Variants in MED16 observed in about 807,000 individuals in gnomAD.
The protein encoded by MED16 is mediator of RNA polymerase II transcription subunit 16.
A neutral mutation model predicts 84.4 loss-of-function variants in MED16; 81 were observed. The observed-to-expected ratio is 0.96, with a 90% CI of 0.80 to 1.15. MED16 has a LOEUF of 1.15. MED16 is among the 50% of genes most tolerant of loss of function. MED16 has a pLI of 0.00. For missense variants in MED16, 1,585 were observed against 1,245.9 expected (o/e 1.27, Z -4.10); for synonymous variants, 897 against 552.2 (o/e 1.62, Z -8.76).
intron 2 of MED16, 24 bp downstream of exon 2, chr19:890,939 G>C: frequency 6.2e-7 from 1 of 1,607,352 alleles, no homozygotes; most frequent in Non-Finnish European, 8.5e-7. Context: ...GCCGGGAGGG[G>C]AAGCAGGTGG....
In MED16 at chr19:868,202, CAGA is replaced by C. The variant is rs2035960130; in HGVS notation, c.2530_2532del (p.Ser844del). On this transcript the variant is annotated inframe_deletion, in exon 16 of 16. Transcript: ENST00000325464. Reference sequence around the variant, plus strand: ...AGCTGGACAAAGGCAGGGGCTTCCTCAGAAGCTCTGCTGGTCACGCAGGCGTCC... The same window carrying C: ...AGCTGGACAAAGGCAGGGGCTTCCTCAGCTCTGCTGGTCACGCAGGCGTCC... 2 of 1,605,792 alleles carry C rather than the reference CAGA, an allele frequency of 1.2e-6. No individual in the cohort carries two copies. Among genetic ancestry groups the C allele is most frequent in the Non-Finnish European group, 8.5e-7 (1 of 1,176,946 alleles).
chr19:876,728 C>T (rs1399867483), intron 9 of MED16, among the ~76,000 whole-genome samples: 4 of 152,116 alleles, frequency 2.6e-5, no homozygotes, highest in African/African-American at 4.8e-5. Context: ...GCCACAACCC[C>T]CACATCTGCC....
At chr19:874,359 G>A (rs934037881) in intron 10 of MED16, among the ~76,000 whole-genome samples, 9 of 152,148 alleles carry the variant, frequency 5.9e-5, no homozygotes, top group Non-Finnish European at 8.8e-5. Context: ...TGATCAGCCC[G>A]CGTTGGCCTC....
chr19:871,677 G>A (rs1336180189), intron 12 of MED16: 20 of 1,558,972 alleles, frequency 1.3e-5, no homozygotes, highest in African/African-American at 2.8e-5. Context: ...GGAAATAGCA[G>A]ATATCAAGGC....
At chr19:875,501 CCCG>C (rs1408933324) in intron 9 of MED16, 47 bp from the exon 10 acceptor site, 4 of 1,455,114 alleles carry the variant, frequency 2.7e-6, no homozygotes, top group Admixed American at 2.0e-5. Context: ...AGCAGAGGCG[CCCG>C]CCAAGGCTCC....
At chr19:884,863 AG>A in intron 6 of MED16, 39 bp downstream of exon 6, 1 of 1,529,056 alleles carries the variant, frequency 6.5e-7, no homozygotes. Flanking sequence ...ACCGCCCCCG[AG>A]GGCAGGCCCA....
chr19:868,650 G>A (rs1288213435), intron 14 of MED16, 151 bp from the exon 15 acceptor site: 5 of 1,189,416 alleles, frequency 4.2e-6, no homozygotes, highest in African/African-American at 3.1e-5. Context: ...CTCTGCCCAT[G>A]CTTCTCCTCC....
intron 6 of MED16, among the ~76,000 whole-genome samples, chr19:884,616 G>A (rs573742934): frequency 1.3e-5 from 2 of 152,262 alleles, no homozygotes; most frequent in African/African-American, 4.8e-5. Context: ...CGGTGTCCCC[G>A]CTGGCTGAGC....
chr19:890,090 C>T (rs1449735232), intron 3 of MED16, 47 bp downstream of exon 3: 1 of 1,421,898 alleles, frequency 7.0e-7, no homozygotes, highest in Non-Finnish European at 9.6e-7. Context: ...CCCCCCTGCT[C>T]CGGGATCCGG....
intron 11 of MED16, 74 bp downstream of exon 11, chr19:873,375 G>A (rs1283388550): frequency 2.7e-6 from 4 of 1,500,862 alleles, no homozygotes; most frequent in East Asian, 4.6e-5. Flanking sequence ...TGAGGGGCAG[G>A]GGCAGGGAAG....
At chr19:890,682 G>C (rs1254573547) in intron 2 of MED16, among the ~76,000 whole-genome samples, 1 of 152,172 alleles carries the variant, frequency 6.6e-6, no homozygotes, top group South Asian at 2.1e-4. Flanking sequence ...GAAAACTGGG[G>C]CACGTGTCTC....
intron 9 of MED16, among the ~76,000 whole-genome samples, chr19:876,228 C>T (rs867249335): frequency 3.9e-5 from 6 of 152,098 alleles, no homozygotes; most frequent in Non-Finnish European, 7.4e-5. Flanking sequence ...GTGCAGCTGC[C>T]GGCTGAGCTC....
intron 8 of MED16, among the ~76,000 whole-genome samples, chr19:877,954 AGCCCCAGCCCC>A (rs1335085553): frequency 2.6e-5 from 1 of 38,932 alleles, no homozygotes; most frequent in African/African-American, 1.2e-4. Context: ...AATGCCCACC[AGCCCCAGCCCC>A]AGCCCCAGCC....
chr19:869,894 C>T (rs762636286), intron 13 of MED16, among the ~76,000 whole-genome samples: 123 of 152,176 alleles, frequency 8.1e-4, no homozygotes, highest in Non-Finnish European at 1.2e-3. Flanking sequence ...ACTTCCTGAC[C>T]GCGTGACCCC....
At chr19:883,279 C>T (rs377740939) in intron 6 of MED16, among the ~76,000 whole-genome samples, 7 of 136,426 alleles carry the variant, frequency 5.1e-5, no homozygotes, top group East Asian at 2.1e-4. Context: ...CTGGGCATGG[C>T]GGGGACCGAA....
intron 13 of MED16, among the ~76,000 whole-genome samples, chr19:869,596 A>G (rs1480185587): frequency 6.6e-6 from 1 of 152,108 alleles, no homozygotes; most frequent in Admixed American, 6.5e-5. Flanking sequence ...AGTGAGCACG[A>G]GGAAGAAAAT....
intron 11 of MED16, chr19:872,836 G>C (rs1402157099): frequency 2.1e-6 from 1 of 480,800 alleles, no homozygotes; most frequent in South Asian, 5.5e-5. Flanking sequence ...TAGGGGTGGG[G>C]CTGAGAAGGA....
chr19:874,432 G>T (rs1017162777), intron 10 of MED16, among the ~76,000 whole-genome samples: 1 of 152,138 alleles, frequency 6.6e-6, no homozygotes, highest in Non-Finnish European at 1.5e-5. Context: ...AAAAGAAACA[G>T]CCTGCCAGGC....
chr19:874,396 C>T (rs1052912543), intron 10 of MED16, among the ~76,000 whole-genome samples: 5 of 152,052 alleles, frequency 3.3e-5, no homozygotes, highest in South Asian at 2.1e-4. Context: ...ACACACGAGT[C>T]GCCACGCCCA....
Sources: allele counts gnomAD v4.1 joint callset (sites outside exome capture counted in the v4.1 genomes callset), GRCh38; gene constraint gnomAD v4.1.1; transcripts MANE v1.5; gene names NCBI Gene and HGNC (gene_info 2026-07-23, HGNC 2026-07-21).